The following HTR4 variants were observed in gnomAD, a reference collection of about 807,000 sequenced individuals.
The protein encoded by HTR4 is 5-hydroxytryptamine (serotonin) receptor 4, G protein-coupled.
A neutral mutation model predicts 36.8 loss-of-function variants in HTR4; 16 were observed. The ratio of observed to expected loss-of-function variants is 0.43; its 90% CI spans 0.29 to 0.66. The LOEUF (loss-of-function observed/expected upper bound fraction) is 0.66, where lower values mean the gene tolerates loss of function less well. Ranked by LOEUF, HTR4 falls within the 30% of genes least tolerant of loss-of-function variation. HTR4 has a pLI of 0.13. For missense variants in HTR4, 438 were observed against 490.9 expected (o/e 0.89, Z 1.02); for synonymous variants, 189 against 185.1 (o/e 1.02, Z -0.17).
intron 2 of HTR4, among the ~76,000 whole-genome samples, chr5:148,593,612 C>A (rs1761657325): frequency 6.6e-6 from 1 of 152,154 alleles, no homozygotes; most frequent in South Asian, 2.1e-4. Context: ...CTTCTAATTA[C>A]TGCTTCTGCC....
At chr5:148,460,441 C>T (rs1755245707) in intron 5 of HTR4, among the ~76,000 whole-genome samples, 1 of 151,946 alleles carries the variant, frequency 6.6e-6, no homozygotes, top group South Asian at 2.1e-4. Flanking sequence ...AAATTACATC[C>T]AACTTCTCAG....
At chr5:148,616,160 C>A (rs755287087) in intron 2 of HTR4, among the ~76,000 whole-genome samples, 51 of 152,196 alleles carry the variant, frequency 3.4e-4, no homozygotes, top group Non-Finnish European at 6.5e-4. Flanking sequence ...TCTTGATAAC[C>A]ACAAGGGTTA....
intron 2 of HTR4, among the ~76,000 whole-genome samples, chr5:148,632,998 T>G (rs527562971): frequency 6.6e-6 from 1 of 152,192 alleles, no homozygotes; most frequent in South Asian, 2.1e-4. Flanking sequence ...CCATTTTTCT[T>G]TCTTCAACCC....
At chr5:148,512,657 G>A (rs149137796) in intron 5 of HTR4, among the ~76,000 whole-genome samples, 147 of 152,236 alleles carry the variant, frequency 9.7e-4, no homozygotes, top group African/African-American at 3.2e-3. Flanking sequence ...CTGGCCGGGC[G>A]CGGTGACTTA....
At chr5:148,589,823 ACCTCACAAACATC>A (rs1210868058) in intron 2 of HTR4, among the ~76,000 whole-genome samples, 1 of 152,156 alleles carries the variant, frequency 6.6e-6, no homozygotes, top group African/African-American at 2.4e-5. Flanking sequence ...TTAATATGCC[ACCTCACAAACATC>A]ATCTTTTTGG....
chr5:148,489,429 A>G (rs1756310821), intron 6 of HTR4, among the ~76,000 whole-genome samples: 1 of 152,206 alleles, frequency 6.6e-6, no homozygotes, highest in Non-Finnish European at 1.5e-5. Flanking sequence ...GAAGCTGCCC[A>G]TAGGAGTGAC....
Position 148,482,821 on chromosome 5 carries a change from G to A in HTR4, c.*382C>T. ...GATATCTGGAAGCCCACACAGCAAA[G>A]AAGGCGTATTTGGAGACATCAGTGA... On this transcript the variant is annotated 3_prime_UTR_variant, in exon 7 of 7. Transcript: ENST00000377888. The A allele has an allele frequency of 9.4e-7, 1 of 1,063,038 alleles. No individual in the cohort carries two copies. 65.9% of individuals were successfully genotyped at this position (1,063,038 alleles called of 1,614,324 possible). A position where few individuals can be genotyped will look rare whatever the true frequency, so the allele number is the denominator to read the frequency against.
chr5:148,475,586 A>G (rs1755676068), downstream of HTR4, among the ~76,000 whole-genome samples: 2 of 152,180 alleles, frequency 1.3e-5, no homozygotes, highest in African/African-American at 2.4e-5. Context: ...TACCATCTCC[A>G]TCTTCTCCTG....
intron 5 of HTR4, among the ~76,000 whole-genome samples, chr5:148,459,158 G>A (rs1755202043): frequency 6.6e-6 from 1 of 152,100 alleles, no homozygotes; most frequent in South Asian, 2.1e-4. Context: ...CCAGGCATGG[G>A]CATGGAGTTG....
intron 2 of HTR4, among the ~76,000 whole-genome samples, chr5:148,569,084 T>C (rs1414697879): frequency 6.6e-6 from 1 of 152,090 alleles, no homozygotes; most frequent in Non-Finnish European, 1.5e-5. Context: ...AGAGTTTTTT[T>C]TTTTTATCAG....
chr5:148,638,313 A>G (rs954995396), intron 1 of HTR4, among the ~76,000 whole-genome samples: 1 of 152,244 alleles, frequency 6.6e-6, no homozygotes, highest in Non-Finnish European at 1.5e-5. Flanking sequence ...GAAGGAAAGT[A>G]GCTCTGTCCA....
intron 2 of HTR4, among the ~76,000 whole-genome samples, chr5:148,583,235 A>G (rs1352601254): frequency 1.3e-5 from 2 of 148,596 alleles, no homozygotes; most frequent in African/African-American, 2.5e-5. Flanking sequence ...GCTGGATTAC[A>G]TTTATTGATT....
intron 2 of HTR4, among the ~76,000 whole-genome samples, chr5:148,618,367 G>A (rs1752784639): frequency 6.6e-6 from 1 of 152,176 alleles, no homozygotes; most frequent in Non-Finnish European, 1.5e-5. Context: ...TACTCTTTCT[G>A]ATCCATTCTA....
intron 2 of HTR4, among the ~76,000 whole-genome samples, chr5:148,564,874 G>A (rs547979832): frequency 6.6e-6 from 1 of 152,222 alleles, no homozygotes; most frequent in African/African-American, 2.4e-5. Flanking sequence ...CACTTTGGGA[G>A]GCCGAGGTGG....
At chr5:148,485,983 A>G (rs1756140757) in intron 6 of HTR4, among the ~76,000 whole-genome samples, 1 of 152,134 alleles carries the variant, frequency 6.6e-6, no homozygotes, top group Non-Finnish European at 1.5e-5. Context: ...TCTCTTGTAC[A>G]ATTCTTTTAG....
downstream of HTR4, among the ~76,000 whole-genome samples, chr5:148,477,920 C>A (rs1426864242): frequency 2.6e-5 from 4 of 152,142 alleles, no homozygotes; most frequent in East Asian, 7.7e-4. Flanking sequence ...CAGAGCTCAC[C>A]TCCTCCATCT....
chr5:148,592,523 A>G (rs1314784829), intron 2 of HTR4, among the ~76,000 whole-genome samples: 5 of 152,174 alleles, frequency 3.3e-5, no homozygotes, highest in Admixed American at 3.3e-4. Context: ...GTTGCTCTGC[A>G]AATAAGCAGA....
chr5:148,519,239 G>C (rs1276058770), intron 5 of HTR4, among the ~76,000 whole-genome samples: 2 of 152,178 alleles, frequency 1.3e-5, no homozygotes, highest in East Asian at 3.8e-4. Context: ...ATAAATGGTA[G>C]TGATGATGGA....
chr5:148,497,943 A>G (rs1756760309), intron 6 of HTR4, among the ~76,000 whole-genome samples: 1 of 152,196 alleles, frequency 6.6e-6, no homozygotes. Context: ...CATTCAACCA[A>G]ATGCTGTCTT....
Sources: allele counts gnomAD v4.1 joint callset (sites outside exome capture counted in the v4.1 genomes callset), GRCh38; gene constraint gnomAD v4.1.1; transcripts MANE v1.5; gene names NCBI Gene and HGNC (gene_info 2026-07-23, HGNC 2026-07-21).